GALNT13: variants seen among roughly 807,000 people sequenced by gnomAD.
GALNT13 encodes polypeptide N-acetylgalactosaminyltransferase 13.
In GALNT13, 28 loss-of-function variants were observed where a neutral mutation model predicts 64.2. The observed-to-expected ratio is 0.44, with a 90% confidence interval of 0.32 to 0.60. The LOEUF (loss-of-function observed/expected upper bound fraction) is 0.60, where lower values mean the gene tolerates loss of function less well. GALNT13 is among the 20% of genes least tolerant of loss of function. GALNT13 has a pLI of 0.05. For missense variants in GALNT13, 577 were observed against 669.8 expected, an observed-to-expected ratio of 0.86 and a Z score of 1.53; for synonymous variants, 214 against 224.6, an observed-to-expected ratio of 0.95 and a Z score of 0.42.
chr2:153,291,252 A>T, the GALNT13 span, among the ~76,000 whole-genome samples: 24 of 152,172 alleles, frequency 1.6e-4, no homozygotes, highest in African/African-American at 5.3e-4. Context: ...GCATCATTTT[A>T]GAAAACAGGC....
chr2:154,243,021 C>A (rs1240713616), intron 6 of GALNT13, 116 bp downstream of exon 6: 1 of 827,720 alleles, frequency 1.2e-6, no homozygotes, highest in East Asian at 2.7e-5. Flanking sequence ...TATTTTATAG[C>A]TTTTCTTAAA....
chr2:153,865,553 T>G, the GALNT13 span, among the ~76,000 whole-genome samples: 4 of 85,564 alleles, frequency 4.7e-5, no homozygotes, highest in Non-Finnish European at 6.9e-5. Context: ...AAAAAACACA[T>G]GAAAAAATGC....
chr2:153,081,367 A>G, the GALNT13 span, among the ~76,000 whole-genome samples: 5 of 152,312 alleles, frequency 3.3e-5, no homozygotes, highest in Admixed American at 3.3e-4. Context: ...GTTACAAACA[A>G]TACAATTACA....
chr2:154,162,877 G>C (rs1353969828), intron 4 of GALNT13, among the ~76,000 whole-genome samples: 1 of 148,240 alleles, frequency 6.7e-6, no homozygotes, highest in Non-Finnish European at 1.5e-5. Flanking sequence ...TGAGGTAATG[G>C]AAGTCCACAG....
intron 1 of GALNT13, among the ~76,000 whole-genome samples, chr2:153,887,903 A>C (rs1687296534): frequency 6.6e-6 from 1 of 152,036 alleles, no homozygotes; most frequent in African/African-American, 2.4e-5. Flanking sequence ...AAGATGAAAC[A>C]TTGTATATTT....
the GALNT13 span, among the ~76,000 whole-genome samples, chr2:153,564,237 T>C: frequency 8.4e-4 from 128 of 152,148 alleles, 1 homozygote; most frequent in African/African-American, 3.0e-3. Context: ...AATGAAAGCA[T>C]TGAAGAGATT....
At chr2:153,358,458 T>C in the GALNT13 span, among the ~76,000 whole-genome samples, 25 of 152,246 alleles carry the variant, frequency 1.6e-4, no homozygotes, top group East Asian at 4.5e-3. Context: ...TAAGGTTACC[T>C]CCCAGATAAT....
the GALNT13 span, among the ~76,000 whole-genome samples, chr2:153,829,193 CAA>C: frequency 6.6e-6 from 1 of 152,120 alleles, no homozygotes; most frequent in Non-Finnish European, 1.5e-5. Context: ...TTACCCAATT[CAA>C]AAGTCACTTC....
At chr2:153,478,084 A>G in the GALNT13 span, 1 of 649,814 alleles carries the variant, frequency 1.5e-6, no homozygotes, top group South Asian at 2.0e-5. Context: ...AGGGCGAGGG[A>G]GAAACCGGTC....
chr2:154,098,667 A>AT (rs1236107178), intron 3 of GALNT13, among the ~76,000 whole-genome samples: 2 of 151,952 alleles, frequency 1.3e-5, no homozygotes, highest in African/African-American at 4.8e-5. Flanking sequence ...TATAGGTGAG[A>AT]TCATGTGGTA....
the GALNT13 span, among the ~76,000 whole-genome samples, chr2:153,633,353 A>G: frequency 1.3e-5 from 2 of 152,214 alleles, no homozygotes; most frequent in Non-Finnish European, 2.9e-5. Flanking sequence ...TAAGCTACAC[A>G]TAAAATAAGA....
At chr2:153,907,324 C>T (rs1423741618) in intron 2 of GALNT13, among the ~76,000 whole-genome samples, 3 of 151,586 alleles carry the variant, frequency 2.0e-5, no homozygotes, top group South Asian at 2.1e-4. Flanking sequence ...TATATATACA[C>T]ACACACATAT....
chr2:153,098,668 A>G, the GALNT13 span, among the ~76,000 whole-genome samples: 1 of 152,214 alleles, frequency 6.6e-6, no homozygotes, highest in Non-Finnish European at 1.5e-5. Flanking sequence ...TTGAATGGAT[A>G]TGCAACAATT....
intron 4 of GALNT13, among the ~76,000 whole-genome samples, chr2:154,203,073 G>A (rs1687257679): frequency 6.6e-6 from 1 of 151,994 alleles, no homozygotes; most frequent in African/African-American, 2.4e-5. Context: ...GTTTTCGGGG[G>A]CTATAACTGG....
intron 4 of GALNT13, among the ~76,000 whole-genome samples, chr2:154,212,637 C>G (rs1235387000): frequency 6.6e-6 from 1 of 151,892 alleles, no homozygotes; most frequent in African/African-American, 2.4e-5. Context: ...TTCTCCTCCT[C>G]CTATCCCTTT....
intron 2 of GALNT13, among the ~76,000 whole-genome samples, chr2:153,938,741 A>G (rs752246410): frequency 6.6e-6 from 1 of 152,146 alleles, no homozygotes; most frequent in Non-Finnish European, 1.5e-5. Flanking sequence ...GTGTCTTCAC[A>G]TGGTTTTCCT....
chr2:153,496,525 TC>T, the GALNT13 span, among the ~76,000 whole-genome samples: 1 of 152,232 alleles, frequency 6.6e-6, no homozygotes, highest in Non-Finnish European at 1.5e-5. Context: ...ATAGTTTTTT[TC>T]AGATCAATTT....
At chr2:153,269,385 G>A in the GALNT13 span, among the ~76,000 whole-genome samples, 2 of 152,162 alleles carry the variant, frequency 1.3e-5, no homozygotes, top group African/African-American at 4.8e-5. Context: ...CTAAAGCATA[G>A]CATGAGTGAC....
At chr2:153,760,681 T>C in the GALNT13 span, among the ~76,000 whole-genome samples, 3 of 152,152 alleles carry the variant, frequency 2.0e-5, no homozygotes, top group Admixed American at 1.3e-4. Context: ...GAATGTTCCA[T>C]GTTCCCTTTC....
Sources: gnomAD v4.1 joint callset for allele counts (sites outside exome capture counted in the v4.1 genomes callset) on GRCh38, gnomAD v4.1.1 for gene constraint, MANE v1.5 for transcripts, NCBI Gene and HGNC (gene_info 2026-07-23, HGNC 2026-07-21) for gene names.